ERMAP: variants seen among roughly 807,000 people sequenced by gnomAD.
ERMAP encodes erythroid membrane-associated protein.
Under a neutral mutation model 49.5 loss-of-function variants are expected in ERMAP, and 34 were observed. That is an observed-to-expected ratio of 0.69 (90% CI 0.52 to 0.91). The LOEUF (loss-of-function observed/expected upper bound fraction) is 0.91. Among genes scored for constraint, ERMAP ranks in the 40% least tolerant of loss-of-function variants. ERMAP has a pLI of 0.00. For synonymous variants in ERMAP, 214 were observed against 232.2 expected, an observed-to-expected ratio of 0.92 and a Z score of 0.71; for missense variants, 541 against 582.6, an observed-to-expected ratio of 0.93 and a Z score of 0.74.
At chr1:42,839,040 T>C in intron 8 of ERMAP, 119 bp downstream of exon 8, 1 of 1,501,744 alleles carries the variant, frequency 6.7e-7, no homozygotes, top group Non-Finnish European at 9.3e-7. Flanking sequence ...ATTCAAGCCA[T>C]GGGGACTGGG....
rs142048901 is a variant in ERMAP, at chr1:42,842,566, T to C, written c.762T>C (p.Ser254=). The change falls in exon 12 of 12, where the codon TCT becomes TCC. Residue 254 remains serine (S), a synonymous_variant. Transcript: ENST00000372517. Reference sequence around the variant, plus strand: ...CAGCACATCCCAAACTCATCCTTTCTGAGGACCAAAGATGTGTAAGGCTTG... The same window carrying C: ...CAGCACATCCCAAACTCATCCTTTCCGAGGACCAAAGATGTGTAAGGCTTG... The part of the protein sequence containing the change: ...PDTAHPKLIL[S]EDQRCVRLGD... 1.3e-5 allele frequency: 21 copies of C among 1,614,176 alleles called. No homozygotes were observed. The African/African-American group carries it at 2.5e-4, about 19-fold the overall frequency.
Position 42,840,419 on chromosome 1 carries a change from G to A in ERMAP, c.712+123G>A, listed in dbSNP as rs1466809828. 4.4e-6 allele frequency: 5 copies of A among 1,139,930 alleles called. No homozygotes were observed. In the East Asian group the frequency reaches 7.4e-5, roughly 17 times the overall value. 70.6% of individuals were successfully genotyped at this position (1,139,930 alleles called of 1,614,324 possible). A position where few individuals can be genotyped will look rare whatever the true frequency, so the allele number is the denominator to read the frequency against. On this transcript the variant is annotated intron_variant, in intron 11 of 11. Coordinates refer to ENST00000372517, the MANE Select transcript of ERMAP (RefSeq NM_001017922.2). Reference sequence around the variant, plus strand: ...ATTTAAAAATTTTTAAATCAAATCTGTATATCTGACTATCAAATTAAAAAA... The same window carrying A: ...ATTTAAAAATTTTTAAATCAAATCTATATATCTGACTATCAAATTAAAAAA...
At chr1:42,831,508 C>T (rs914238680) in intron 4 of ERMAP, among the ~76,000 whole-genome samples, 2 of 149,926 alleles carry the variant, frequency 1.3e-5, no homozygotes, top group African/African-American at 4.9e-5. Context: ...AATGGGTCCT[C>T]TCCTGGGGTT....
intron 1 of ERMAP, among the ~76,000 whole-genome samples, chr1:42,818,564 C>T (rs1263582895): frequency 6.6e-6 from 1 of 152,150 alleles, no homozygotes; most frequent in Admixed American, 6.5e-5. Flanking sequence ...GTAACCTGGG[C>T]TCAAGCAATC....
intron 6 of ERMAP, 36 bp from the exon 7 acceptor site, chr1:42,837,122 C>CA (rs375600365): frequency 1.3e-3 from 2,074 of 1,612,760 alleles, no homozygotes; most frequent in Non-Finnish European, 1.6e-3. Context: ...AAGGCAGTGG[C>CA]AAAAAATCTC....
rs1353054219 is a variant in ERMAP at position 42,825,738 on chromosome 1, G to C, written c.-6G>C. On this transcript the variant is annotated splice_region_variant and 5_prime_UTR_variant, in exon 2 of 12. Coordinates refer to ENST00000372517, the MANE Select transcript of ERMAP (RefSeq NM_001017922.2). ...AACAAGCGTCCCTGATCCAGAAGGT[G>C]GTGAGTCCTCCTCTCTCTCTTCATG... 7.8e-7 allele frequency: 1 copy of C among 1,289,226 alleles called. No homozygotes were observed. The highest frequency in any genetic ancestry group is 2.3e-5 in the Admixed American group (1 of 43,534). The allele number at this position is 1,289,226 out of a possible 1,614,324, so 79.9% of individuals were successfully genotyped here. A position where few individuals can be genotyped will look rare whatever the true frequency, so the allele number is the denominator to read the frequency against.
chr1:42,835,972 G>T (rs1654884338), intron 6 of ERMAP, among the ~76,000 whole-genome samples: 1 of 151,998 alleles, frequency 6.6e-6, no homozygotes. Flanking sequence ...AATGATTTTT[G>T]CCTGTGAGCT....
intron 1 of ERMAP, chr1:42,817,962 C>T (rs755642386): frequency 3.9e-5 from 6 of 152,220 alleles, no homozygotes; most frequent in Non-Finnish European, 8.8e-5. Context: ...ATATTATTAT[C>T]CCCATTTACA....
intron 8 of ERMAP, chr1:42,839,143 C>A: frequency 1.5e-6 from 1 of 665,844 alleles, no homozygotes. Context: ...AAAAACGTTT[C>A]ACCAGGAAGA....
At chr1:42,831,569 TTTTC>T (rs1557609226) in intron 4 of ERMAP, among the ~76,000 whole-genome samples, 11 of 94,692 alleles carry the variant, frequency 1.2e-4, no homozygotes, top group Non-Finnish European at 1.9e-4. Context: ...TTTTTTTTTT[TTTTC>T]TCTTTTTTTT....
intron 1 of ERMAP, chr1:42,817,624 G>A (rs1465708695): frequency 6.5e-6 from 1 of 152,916 alleles, no homozygotes; most frequent in African/African-American, 2.5e-5. Context: ...TTCGAAAAGT[G>A]GGGATTGATG....
In ERMAP at chr1:42,840,165, T is replaced by G; in HGVS notation, c.672T>G (p.Ala224=). The part of the protein sequence containing the change: ...KLRSELKLKR[A]AANSGWRRAR... The stretch of plus-strand genomic sequence containing the variant: ...CTTCTTTCATAGAGTTGAAAAGAGC[T>G]GCAGCAAACTCAGGTGAGATGCACT... Residue 224 remains alanine (A), a synonymous_variant, in exon 10 of 12, where the codon GCT becomes GCG. Coordinates refer to ENST00000372517, the MANE Select transcript of ERMAP (RefSeq NM_001017922.2). 6.2e-7 allele frequency: 1 copy of G among 1,614,212 alleles called. No individual in the cohort carries two copies. The highest frequency in any genetic ancestry group is 8.5e-7 in the Non-Finnish European group (1 of 1,180,034).
chr1:42,832,353 AACTAATTTT>A (rs1198052599), intron 4 of ERMAP, among the ~76,000 whole-genome samples: 2 of 149,020 alleles, frequency 1.3e-5, no homozygotes, highest in African/African-American at 5.0e-5. Context: ...CACCATGGCC[AACTAATTTT>A]TTTTTCTTTT....
At chr1:42,835,880 G>A in intron 6 of ERMAP, 116 bp downstream of exon 6, 1 of 1,459,404 alleles carries the variant, frequency 6.9e-7, no homozygotes, top group Non-Finnish European at 9.0e-7. Context: ...TGCTATCCTT[G>A]GTGATGGTGG....
In ERMAP at chr1:42,831,994, A is replaced by G. The variant is rs34589017; in HGVS notation, c.433+879A>G. On this transcript the variant is annotated intron_variant, in intron 4 of 11. Coordinates refer to ENST00000372517, the MANE Select transcript of ERMAP (RefSeq NM_001017922.2). The stretch of plus-strand genomic sequence containing the variant: ...AGTCTACCAAACCAAACCCAACTCA[A>G]CCCAACCCAAACCATGTCTTTGCAT... Among the ~76,000 whole-genome samples the G allele has an allele frequency of 9.0e-4, 137 of 152,062 alleles. No homozygotes were observed. The Middle Eastern group carries it at 0.034, about 38-fold the overall frequency.
chr1:42,817,280 G>A (rs1057289049), intron 1 of ERMAP, 27 bp downstream of exon 1: 30 of 1,230,450 alleles, frequency 2.4e-5, no homozygotes, highest in Non-Finnish European at 2.9e-5. Flanking sequence ...CCCGACCACT[G>A]GACCCAGCGC....
rs548439146 is a variant in ERMAP at position 42,839,845 on chromosome 1, G to T, written c.638-188G>T. 2.1e-4 allele frequency: 133 copies of T among 630,576 alleles called. No individual in the cohort carries two copies. The African/African-American group carries it at 2.2e-3, about 10-fold the overall frequency. 39.1% of individuals were successfully genotyped at this position (630,576 alleles called of 1,614,324 possible). ...CATAGGAATTTGCTGATCCTCTGCA[G>T]TATCTCTGGGGATACTCCCATGGTC... On this transcript the variant is annotated intron_variant, in intron 8 of 11. Transcript: ENST00000372517.
Position 42,842,668 on chromosome 1 carries a change from C to A in ERMAP, c.864C>A (p.Phe288Leu), listed in dbSNP as rs766728453. 5.7e-5 allele frequency: 92 copies of A among 1,614,068 alleles called. No individual in the cohort carries two copies. The highest frequency in any genetic ancestry group is 7.5e-5 in the Non-Finnish European group (89 of 1,180,046). ...FVVSILGSEY[F>L]TTGCHYWEVY... ...TCAGCATCCTAGGCTCTGAGTACTT[C>A]ACGACTGGCTGCCACTACTGGGAGG... is the stretch of plus-strand genomic sequence containing the variant. The change falls in exon 12 of 12, where the codon TTC becomes TTA. Residue 288 changes from phenylalanine to leucine, a missense_variant. Coordinates refer to ENST00000372517, the MANE Select transcript of ERMAP (RefSeq NM_001017922.2).
At chr1:42,825,773 CCTTTAA>C in intron 2 of ERMAP, 35 bp downstream of exon 2, 1 of 1,288,808 alleles carries the variant, frequency 7.8e-7, no homozygotes, top group South Asian at 1.2e-5. Context: ...GCTTTTTAGT[CCTTTAA>C]CTTTCTCAGG....
Sources: gnomAD v4.1 joint callset for allele counts (sites outside exome capture counted in the v4.1 genomes callset) on GRCh38, gnomAD v4.1.1 for gene constraint, MANE v1.5 for transcripts, NCBI Gene and HGNC (gene_info 2026-07-23, HGNC 2026-07-21) for gene names.